The following SNX24 variants were observed in gnomAD, a reference collection of about 807,000 sequenced individuals.
The protein encoded by SNX24 is sorting nexin 24.
In SNX24, 22 loss-of-function variants were observed where a neutral mutation model predicts 28.7. The ratio of observed to expected loss-of-function variants is 0.77; its 90% confidence interval spans 0.55 to 1.10. The LOEUF (loss-of-function observed/expected upper bound fraction) is 1.10, where lower values mean the gene tolerates loss of function less well. Among genes scored for constraint, SNX24 ranks in the 50% least tolerant of loss-of-function variants. The probability of loss-of-function intolerance (pLI) is 0.00; values close to 1 mark genes in which losing one functional copy is unlikely to be tolerated. For synonymous variants in SNX24, 69 were observed against 71.5 expected, an observed-to-expected ratio of 0.96 and a Z score of 0.18; for missense variants, 221 against 201.1, an observed-to-expected ratio of 1.10 and a Z score of -0.60.
At chr5:122,864,366 A>AAAAG (rs1221519418) in intron 1 of SNX24, among the ~76,000 whole-genome samples, 2 of 152,200 alleles carry the variant, frequency 1.3e-5, no homozygotes, top group African/African-American at 4.8e-5. Context: ...TTAGCCTGAA[A>AAAAG]AAAGGGAAGA....
At chr5:122,887,921 C>T (rs1003171369) in intron 1 of SNX24, among the ~76,000 whole-genome samples, 1 of 151,974 alleles carries the variant, frequency 6.6e-6, no homozygotes, top group African/African-American at 2.4e-5. Context: ...CAGGCTGGTC[C>T]GAATTCCTGA....
chr5:122,988,238 G>A lies in SNX24; in HGVS notation c.250-11674G>A, dbSNP rs145147937. Among the ~76,000 whole-genome samples the A allele has an allele frequency of 2.7e-3, 417 of 152,276 alleles. 2 individuals are homozygous for A. The highest frequency in any genetic ancestry group is 4.8e-3 in the Non-Finnish European group (324 of 68,012). On this transcript the variant is annotated intron_variant, in intron 3 of 6. Transcript: ENST00000261369. ...TTTGTGTCTCCTGAGCTTCTGCCCAGCCCCAGTGATGTCTGGCTCCTTAGT... is the reference window on the plus strand; with the variant it reads ...TTTGTGTCTCCTGAGCTTCTGCCCAACCCCAGTGATGTCTGGCTCCTTAGT...
intron 2 of SNX24, among the ~76,000 whole-genome samples, chr5:122,941,236 T>A (rs1246097213): frequency 6.6e-6 from 1 of 152,158 alleles, no homozygotes; most frequent in Non-Finnish European, 1.5e-5. Flanking sequence ...CCCTTTCCCA[T>A]GTAAGCGAAT....
chr5:122,950,547 C>T (rs1284235406), intron 3 of SNX24, among the ~76,000 whole-genome samples: 3 of 152,182 alleles, frequency 2.0e-5, no homozygotes, highest in African/African-American at 7.2e-5. Context: ...CTACTCTTAG[C>T]ACATAGCCTA....
chr5:122,919,052 A>T (rs1011003673), intron 1 of SNX24, among the ~76,000 whole-genome samples: 7 of 152,238 alleles, frequency 4.6e-5, no homozygotes. Context: ...TGCTTTCTTG[A>T]ATCTGCCTTT....
chr5:122,932,972 TA>T (rs1235617303), intron 1 of SNX24, among the ~76,000 whole-genome samples: 518 of 152,136 alleles, frequency 3.4e-3, no homozygotes, highest in Non-Finnish European at 6.4e-3. Context: ...TGTAACTTAG[TA>T]CATTAGAGGG....
chr5:122,857,248 G>A (rs1698890572), intron 1 of SNX24, among the ~76,000 whole-genome samples: 1 of 152,048 alleles, frequency 6.6e-6, no homozygotes, highest in Admixed American at 6.6e-5. Flanking sequence ...CTGACCTCAG[G>A]TGATCTGCCT....
At chr5:122,906,319 C>T (rs1202682115) in intron 1 of SNX24, among the ~76,000 whole-genome samples, 1 of 152,160 alleles carries the variant, frequency 6.6e-6, no homozygotes, top group Non-Finnish European at 1.5e-5. Context: ...AAACATCTTA[C>T]AAGATTGTAT....
intron 1 of SNX24, among the ~76,000 whole-genome samples, chr5:122,934,368 T>C (rs1053601114): frequency 4.6e-5 from 7 of 152,300 alleles, no homozygotes; most frequent in African/African-American, 1.7e-4. Context: ...ATTAAATTTT[T>C]CTTTTTTTGG....
chr5:122,860,997 CT>C (rs1297720508), intron 1 of SNX24, among the ~76,000 whole-genome samples: 1 of 152,108 alleles, frequency 6.6e-6, no homozygotes, highest in Non-Finnish European at 1.5e-5. Context: ...CAGGTGGGGT[CT>C]TTTTACCACT....
intron 1 of SNX24, among the ~76,000 whole-genome samples, chr5:122,922,771 A>C (rs191798530): frequency 3.0e-4 from 45 of 152,022 alleles, no homozygotes; most frequent in Non-Finnish European, 6.2e-4. Flanking sequence ...ATCGCTTTCT[A>C]AAACCTACTT....
chr5:122,899,392 G>A (rs771521018), intron 1 of SNX24, among the ~76,000 whole-genome samples: 5 of 152,144 alleles, frequency 3.3e-5, no homozygotes, highest in Non-Finnish European at 5.9e-5. Context: ...TATCAGTAAT[G>A]CTTCTGTTGA....
At chr5:122,901,913 G>C (rs1265569983) in intron 1 of SNX24, among the ~76,000 whole-genome samples, 2 of 152,178 alleles carry the variant, frequency 1.3e-5, no homozygotes, top group Admixed American at 6.5e-5. Flanking sequence ...TCCCAAAACT[G>C]ATTGCATTAT....
At chr5:123,000,947 G>A (rs1408518348) in intron 4 of SNX24, among the ~76,000 whole-genome samples, 1 of 152,202 alleles carries the variant, frequency 6.6e-6, no homozygotes, top group African/African-American at 2.4e-5. Context: ...GCAAACACCT[G>A]TCACAGCTCC....
chr5:122,893,433 G>A (rs950837271), intron 1 of SNX24, among the ~76,000 whole-genome samples: 9 of 152,030 alleles, frequency 5.9e-5, no homozygotes, highest in Non-Finnish European at 1.2e-4. Flanking sequence ...CGTGGTAGGT[G>A]TGCTATGGTT....
At chr5:122,865,647 G>A (rs1252189632) in intron 1 of SNX24, among the ~76,000 whole-genome samples, 3 of 152,118 alleles carry the variant, frequency 2.0e-5, no homozygotes, top group Non-Finnish European at 4.4e-5. Context: ...CCACTTGCTT[G>A]CTTTTTAATT....
chr5:122,959,770 G>A (rs185614273), intron 3 of SNX24, among the ~76,000 whole-genome samples: 2 of 152,060 alleles, frequency 1.3e-5, no homozygotes, highest in East Asian at 3.9e-4. Context: ...AAATACTCGG[G>A]GTTCATTATC....
intron 3 of SNX24, among the ~76,000 whole-genome samples, chr5:122,998,794 A>G (rs754998516): frequency 2.6e-5 from 4 of 152,204 alleles, no homozygotes; most frequent in Non-Finnish European, 2.9e-5. Flanking sequence ...ATATAGAACT[A>G]TGTATCTACA....
intron 1 of SNX24, among the ~76,000 whole-genome samples, chr5:122,909,926 A>G (rs965385561): frequency 4.6e-5 from 7 of 152,220 alleles, no homozygotes; most frequent in Non-Finnish European, 7.3e-5. Flanking sequence ...AAACTACCTA[A>G]TGGAATAATT....
Sources: gnomAD v4.1 joint callset for allele counts (sites outside exome capture counted in the v4.1 genomes callset) on GRCh38, gnomAD v4.1.1 for gene constraint, MANE v1.5 for transcripts, NCBI Gene and HGNC (gene_info 2026-07-23, HGNC 2026-07-21) for gene names.